LARS1: variants seen among roughly 807,000 people sequenced by gnomAD.
LARS1 encodes leucine--tRNA ligase, cytoplasmic.
Under a neutral mutation model 162.8 loss-of-function variants are expected in LARS1, and 100 were observed. The ratio of observed to expected loss-of-function variants is 0.61; its 90% CI spans 0.52 to 0.73. LARS1 has a LOEUF of 0.73. Ranked by LOEUF, LARS1 falls within the 30% of genes least tolerant of loss-of-function variation. The pLI is 0.00. For synonymous variants in LARS1, 457 were observed against 462.8 expected (o/e 0.99, Z 0.16); for missense variants, 1,258 against 1,408.9 (o/e 0.89, Z 1.71).
chr5:146,160,998 A>T (rs1274547373), intron 6 of LARS1, among the ~76,000 whole-genome samples: 1 of 152,196 alleles, frequency 6.6e-6, no homozygotes, highest in Non-Finnish European at 1.5e-5. Flanking sequence ...TCACACAAAT[A>T]TACAGACATA....
At chr5:146,157,889 A>C in intron 8 of LARS1, 94 bp from the exon 9 acceptor site, 1 of 1,227,354 alleles carries the variant, frequency 8.1e-7, no homozygotes. Context: ...AGTCCCTAAA[A>C]TGGGTTCTTG....
At chr5:146,151,353 T>C (rs1753281076) in intron 14 of LARS1, among the ~76,000 whole-genome samples, 1 of 152,234 alleles carries the variant, frequency 6.6e-6, no homozygotes, top group South Asian at 2.1e-4. Context: ...GATTTTTATG[T>C]TCTCTAGCCT....
At chr5:146,125,013 A>G (rs1561797934) in intron 28 of LARS1, among the ~76,000 whole-genome samples, 1 of 151,870 alleles carries the variant, frequency 6.6e-6, no homozygotes, top group Non-Finnish European at 1.5e-5. Context: ...ACACACACAC[A>G]CACGCACACA....
Position 146,131,063 on chromosome 5 carries a change from T to C in LARS1, c.2443A>G (p.Met815Val). 1.3e-6 allele frequency: 2 copies of C among 1,598,834 alleles called. No individual in the cohort carries two copies. The highest frequency in any genetic ancestry group is 1.7e-6 in the Non-Finnish European group (2 of 1,170,556). ...IIKTDQNYEK[M>V]MFKEALKTGF... ...GTTTTCAAAGCTTCTTTAAACATCA[T>C]CTTTTCATAGTTTTGATCTGTTTTT... Residue 815 changes from methionine to valine, a missense_variant, in exon 24 of 32, where the codon ATG becomes GTG. Physicochemically the swap from Met to Val is conservative, Grantham distance 21. Transcript: ENST00000394434.
chr5:146,151,130 A>C (rs1464327804), intron 14 of LARS1, among the ~76,000 whole-genome samples: 2 of 152,168 alleles, frequency 1.3e-5, no homozygotes, highest in Non-Finnish European at 2.9e-5. Flanking sequence ...CCTACTTCAG[A>C]ATGGGGTTAT....
intron 24 of LARS1, 55 bp from the exon 25 acceptor site, chr5:146,130,213 A>C: frequency 6.4e-7 from 1 of 1,558,822 alleles, no homozygotes; most frequent in Non-Finnish European, 8.8e-7. Flanking sequence ...AATAAAAATA[A>C]AGGGAAAAAT....
At chr5:146,129,991 C>G (rs143025329) in intron 25 of LARS1, 27 bp downstream of exon 25, 1 of 1,583,686 alleles carries the variant, frequency 6.3e-7, no homozygotes, top group African/African-American at 1.4e-5. Flanking sequence ...CAAAACCACT[C>G]GAAACATTTT....
At chr5:146,182,108 T>G in intron 1 of LARS1, 1 of 197,348 alleles carries the variant, frequency 5.1e-6, no homozygotes, top group Admixed American at 5.4e-5. Flanking sequence ...GCCCGGCTAA[T>G]TTATGTATTT....
At chr5:146,129,581 C>T (rs1055074548) in intron 25 of LARS1, among the ~76,000 whole-genome samples, 9 of 152,102 alleles carry the variant, frequency 5.9e-5, no homozygotes, top group Non-Finnish European at 1.3e-4. Context: ...GTTATTAAAC[C>T]AGCCAATCTA....
intron 20 of LARS1, among the ~76,000 whole-genome samples, chr5:146,140,781 G>A (rs1250149824): frequency 6.6e-6 from 1 of 152,074 alleles, no homozygotes; most frequent in Non-Finnish European, 1.5e-5. Context: ...CTCCAGCCTA[G>A]GCGACAAAGC....
At position 146,131,069 on chromosome 5, in the gene LARS1, C is replaced by T. The variant is rs773548613; in HGVS notation, c.2437G>A (p.Glu813Lys). 1.3e-6 allele frequency: 2 copies of T among 1,597,080 alleles called. No individual in the cohort carries two copies. Among genetic ancestry groups the T allele is most frequent in the Non-Finnish European group, 1.7e-6 (2 of 1,169,510 alleles). The change falls in exon 24 of 32, where the codon GAA becomes AAA. Residue 813 changes from glutamate to lysine, a missense_variant. Transcript: ENST00000394434. Reference sequence around the variant, plus strand: ...AAAGCTTCTTTAAACATCATCTTTTCATAGTTTTGATCTGTTTTTATAATT... The same window carrying T: ...AAAGCTTCTTTAAACATCATCTTTTTATAGTTTTGATCTGTTTTTATAATT... The part of the protein sequence containing the change: ...AGIIKTDQNY[E>K]KMMFKEALKT...
At chr5:146,176,863 TTC>T (rs1335078228) in intron 2 of LARS1, among the ~76,000 whole-genome samples, 4 of 152,206 alleles carry the variant, frequency 2.6e-5, no homozygotes, top group African/African-American at 9.6e-5. Flanking sequence ...AATTTACATT[TTC>T]TGTCTTTGGA....
chr5:146,135,380 A>G (rs1394439543), intron 22 of LARS1, among the ~76,000 whole-genome samples: 1 of 152,098 alleles, frequency 6.6e-6, no homozygotes, highest in Non-Finnish European at 1.5e-5. Flanking sequence ...TCATTAAAGG[A>G]AGACTCAAAC....
At position 146,132,811 on chromosome 5, in the gene LARS1, AAAAAAG is replaced by A. The variant is rs1165028864; in HGVS notation, c.2396+81_2396+86del. ...ATCATTAGTTTATTTTATTAAAAAA[AAAAAAG>A]AAAAGAAAAGAAAAAGAAAACAAAA... On this transcript the variant is annotated intron_variant, in intron 23 of 31. Coordinates refer to ENST00000394434, the MANE Select transcript of LARS1 (RefSeq NM_020117.11). The A allele has an allele frequency of 8.0e-5, 82 of 1,021,714 alleles. 1 individual carries two copies. Among genetic ancestry groups the A allele is most frequent in the Middle Eastern group, 3.2e-4 (1 of 3,168 alleles). 63.3% of individuals were successfully genotyped at this position (1,021,714 alleles called of 1,614,324 possible).
Position 146,157,507 on chromosome 5 carries a change from C to A in LARS1, c.961G>T (p.Gly321Cys). ...TTTTGGGTACAGATGAATATATCAC[C>A]ATTCACCGTCTCAAATCCAATGTAC... The part of the protein sequence containing the change: ...MKYIGFETVN[G>C]DIFICTQKAA... Residue 321 changes from glycine to cysteine, a missense_variant, in exon 10 of 32, where the codon GGT (glycine) becomes TGT (cysteine). By Grantham distance (159) the Gly-to-Cys change is radical. Transcript: ENST00000394434. The A allele has an allele frequency of 6.2e-7, 1 of 1,613,980 alleles. No individual in the cohort carries two copies.
intron 20 of LARS1, among the ~76,000 whole-genome samples, chr5:146,141,323 TAA>T (rs149557625): frequency 0.027 from 4,182 of 152,254 alleles, 76 homozygotes; most frequent in Non-Finnish European, 0.038. Flanking sequence ...AAAGCTATAG[TAA>T]AAAGAGTTAT....
rs767403387 is a variant in LARS1, at chr5:146,168,182, T to TTCTTCC, written c.372_377dup (p.Glu125_Glu126dup). The TTCTTCC allele has an allele frequency of 6.2e-7, 1 of 1,612,178 alleles. No homozygotes were observed. The highest frequency in any genetic ancestry group is 8.5e-7 in the Non-Finnish European group (1 of 1,178,280). On this transcript the variant is annotated inframe_insertion, in exon 5 of 32. Transcript: ENST00000394434. Reference sequence around the variant, plus strand: ...TTATATCTTCTGTTTTAACACTGGTTTCTTCCTCTTCCTCTTCTTCATCTG... The same window carrying TTCTTCC: ...TTATATCTTCTGTTTTAACACTGGTTTCTTCCTCTTCCTCTTCCTCTTCTTCATCTG...
chr5:146,159,525 A>G, intron 7 of LARS1, 55 bp from the exon 8 acceptor site: 1 of 1,358,962 alleles, frequency 7.4e-7, no homozygotes, highest in Non-Finnish European at 1.0e-6. Context: ...GTTTTATCCT[A>G]CCATATTTGC....
chr5:146,170,871 A>C (rs539404593), intron 4 of LARS1, among the ~76,000 whole-genome samples: 6 of 149,782 alleles, frequency 4.0e-5, no homozygotes, highest in Admixed American at 2.7e-4. Context: ...GTGACAGAGC[A>C]AGACTCCAAC....
Sources: allele counts gnomAD v4.1 joint callset (sites outside exome capture counted in the v4.1 genomes callset), GRCh38; gene constraint gnomAD v4.1.1; transcripts MANE v1.5; gene names NCBI Gene and HGNC (gene_info 2026-07-23, HGNC 2026-07-21).